CRHR2: variants seen among roughly 807,000 people sequenced by gnomAD.
The protein encoded by CRHR2 is corticotropin releasing hormone receptor 2, also known as corticotropin-releasing hormone receptor 2.
CRHR2 carries 53 observed loss-of-function variants against 57.9 expected under a neutral mutation model. The ratio of observed to expected loss-of-function variants is 0.92; its 90% confidence interval spans 0.73 to 1.15. CRHR2 has a LOEUF of 1.15. Among genes scored for constraint, CRHR2 ranks in the 50% most tolerant of loss-of-function variants. The pLI is 0.00. For synonymous variants in CRHR2, 213 were observed against 220.9 expected, an observed-to-expected ratio of 0.96 and a Z score of 0.32; for missense variants, 532 against 542.6, an observed-to-expected ratio of 0.98 and a Z score of 0.19.
In CRHR2 at chr7:30,653,220, G is replaced by A. The variant is rs1006935139; in HGVS notation, c.*240C>T. On this transcript the variant is annotated 3_prime_UTR_variant, in exon 12 of 12. Transcript: ENST00000471646. The surrounding 1 kb of genome is among the most constrained non-coding windows in gnomAD (Gnocchi z 5.0). ...GCAAATGCCTGCAGACATCTGACTG[G>A]CTCTTCTCAGGGGGTCCTGTGAATT... The A allele has an allele frequency of 7.7e-6, 4 of 520,944 alleles. No homozygotes were observed. The highest frequency in any genetic ancestry group is 5.7e-5 in the African/African-American group (3 of 52,282). The allele number at this position is 520,944 out of a possible 1,614,324, so 32.3% of individuals were successfully genotyped here. A position where few individuals can be genotyped will look rare whatever the true frequency, so the allele number is the denominator to read the frequency against.
At chr7:30,674,064 AGACCCTCAACTCCCTATTTCCACAG>A (rs1784443777) in intron 2 of CRHR2, among the ~76,000 whole-genome samples, 1 of 152,178 alleles carries the variant, frequency 6.6e-6, no homozygotes, top group Non-Finnish European at 1.5e-5. Flanking sequence ...GGACCTTCAG[AGACCCTCAACTCCCTATTTCCACAG>A]GACTTTTCAC....
chr7:30,652,685 G>T lies in CRHR2; in HGVS notation c.*775C>A, dbSNP rs1783633021. 6.6e-6 allele frequency: 1 copy of T among 152,386 alleles called. No homozygotes were observed. Among genetic ancestry groups the T allele is most frequent in the Admixed American group, 6.5e-5 (1 of 15,284 alleles). 9.4% of individuals were successfully genotyped at this position (152,386 alleles called of 1,614,324 possible). A position where few individuals can be genotyped will look rare whatever the true frequency, so the allele number is the denominator to read the frequency against. On this transcript the variant is annotated 3_prime_UTR_variant, in exon 12 of 12. Transcript: ENST00000471646. The surrounding 1 kb of genome is among the most constrained non-coding windows in gnomAD (Gnocchi z 4.4). ...ATGAGTTTCAATCACTGAAGACATG[G>T]TTGGTTTCTGCTATTCCCATCCCAC... is the stretch of plus-strand genomic sequence containing the variant.
intron 9 of CRHR2, 46 bp from the exon 10 acceptor site, chr7:30,655,761 G>A: frequency 6.2e-7 from 1 of 1,600,360 alleles, no homozygotes; most frequent in Non-Finnish European, 8.5e-7. Context: ...GCGGCAGGCA[G>A]GGCCTCACCC....
intron 2 of CRHR2, among the ~76,000 whole-genome samples, chr7:30,669,826 C>T (rs1784301231): frequency 6.6e-6 from 1 of 152,200 alleles, no homozygotes; most frequent in Non-Finnish European, 1.5e-5. Flanking sequence ...TGACCCATCT[C>T]CAGCATTCTA....
At chr7:30,686,509 G>T, upstream of CRHR2, 1 of 1,508,686 alleles carries the variant, frequency 6.6e-7, no homozygotes, top group Non-Finnish European at 8.8e-7. Flanking sequence ...AGGTATCTTT[G>T]AATCCATTCG....
chr7:30,679,665 A>G (rs1313296702), intron 2 of CRHR2, among the ~76,000 whole-genome samples: 1 of 152,162 alleles, frequency 6.6e-6, no homozygotes, highest in African/African-American at 2.4e-5. Context: ...TGGCTATAGC[A>G]TAACAAAATT....
At chr7:30,661,411 C>T (rs916509882) in intron 7 of CRHR2, among the ~76,000 whole-genome samples, 2 of 152,148 alleles carry the variant, frequency 1.3e-5, no homozygotes, top group African/African-American at 4.8e-5. Flanking sequence ...AGGAAGCTCA[C>T]CACCTACCAA....
At chr7:30,659,312 C>T (rs1188670128) in intron 8 of CRHR2, among the ~76,000 whole-genome samples, 2 of 152,304 alleles carry the variant, frequency 1.3e-5, no homozygotes, top group East Asian at 1.9e-4. Context: ...TTTCTCTTGG[C>T]ATTTCCTCAC....
chr7:30,668,108 A>G (rs778545066), intron 2 of CRHR2, among the ~76,000 whole-genome samples: 5 of 152,266 alleles, frequency 3.3e-5, no homozygotes, highest in African/African-American at 1.2e-4. Flanking sequence ...AAGTTGGAAC[A>G]TGATTTAAGT....
At chr7:30,699,864 A>T (rs954308085) in intron 1 of CRHR2, 2 of 1,167,496 alleles carry the variant, frequency 1.7e-6, no homozygotes, top group Non-Finnish European at 2.3e-6. Flanking sequence ...AGGCCCTGAG[A>T]CCCCCGCCCC....
At chr7:30,686,701 A>T, upstream of CRHR2, 2 of 462,640 alleles carry the variant, frequency 4.3e-6, no homozygotes, top group Admixed American at 6.8e-5. Context: ...GCCTCATAAT[A>T]TATGCCCTAA....
chr7:30,661,868 C>T (rs555669583), intron 7 of CRHR2, among the ~76,000 whole-genome samples: 58 of 152,344 alleles, frequency 3.8e-4, no homozygotes, highest in Middle Eastern at 3.4e-3. Context: ...GCTGCCACAT[C>T]CAAGTCTGAG....
At chr7:30,654,272 C>T (rs750530194) in intron 11 of CRHR2, among the ~76,000 whole-genome samples, 1 of 152,194 alleles carries the variant, frequency 6.6e-6, no homozygotes, top group South Asian at 2.1e-4. Context: ...CCATAAACAT[C>T]CCTTGTTTGT....
In CRHR2 at chr7:30,656,124, C is replaced by T. The variant is rs1477373481; in HGVS notation, c.832-112G>A. 8 of 916,842 alleles carry T rather than the reference C, an allele frequency of 8.7e-6. No individual in the cohort carries two copies. Among genetic ancestry groups the T allele is most frequent in the African/African-American group, 1.6e-5 (1 of 61,888 alleles). 56.8% of individuals were successfully genotyped at this position (916,842 alleles called of 1,614,324 possible). ...CCCCTGGAAACCGATGTCCCACGCACACACCTATCCTACCTGTCCCCCTAG... is the reference window on the plus strand; with the variant it reads ...CCCCTGGAAACCGATGTCCCACGCATACACCTATCCTACCTGTCCCCCTAG... On this transcript the variant is annotated intron_variant, in intron 8 of 11. Transcript: ENST00000471646. The surrounding 1 kb of genome is among the most constrained non-coding windows in gnomAD (Gnocchi z 4.4).
chr7:30,663,986 T>G (rs1562797367), intron 5 of CRHR2, among the ~76,000 whole-genome samples: 1 of 152,150 alleles, frequency 6.6e-6, no homozygotes, highest in Admixed American at 6.5e-5. Flanking sequence ...TGGCTGGCTG[T>G]CTCCTTTTTT....
chr7:30,655,430 T>C, intron 10 of CRHR2, 150 bp downstream of exon 10: 3 of 1,015,858 alleles, frequency 3.0e-6, no homozygotes, highest in South Asian at 1.6e-5. Flanking sequence ...CTGGCCAGGC[T>C]CAGGCTGAGC....
intron 2 of CRHR2, among the ~76,000 whole-genome samples, chr7:30,679,788 A>T (rs1784639376): frequency 6.6e-6 from 1 of 152,164 alleles, no homozygotes; most frequent in Admixed American, 6.5e-5. Context: ...GCAAACAGAG[A>T]AGCAGGAAGC....
exon 1 of CRHR2, chr7:30,700,010 T>G (rs1785139808): frequency 1.4e-6 from 2 of 1,440,800 alleles, no homozygotes; most frequent in African/African-American, 3.0e-5. Flanking sequence ...AGAGGAGGCC[T>G]GGGGGCCCTG....
At position 30,681,942 on chromosome 7, in the gene CRHR2, A is replaced by G; in HGVS notation, c.202T>C (p.Phe68Leu). Reference protein sequence around the residue: ...ALVERPCPEYFNGVKYNTTRN... With the variant: ...ALVERPCPEYLNGVKYNTTRN... ...GTCGTGTTGTACTTGACGCCGTTGAAGTACTCGGGGCACGGCCTCTCCACG... is the reference window on the plus strand; with the variant it reads ...GTCGTGTTGTACTTGACGCCGTTGAGGTACTCGGGGCACGGCCTCTCCACG... The change falls in exon 2 of 12, where the codon TTC (phenylalanine) becomes CTC (leucine). Residue 68 changes from phenylalanine (F) to leucine (L), a missense_variant. Physicochemically the swap from Phe to Leu is conservative, Grantham distance 22. Coordinates refer to ENST00000471646, the MANE Select transcript of CRHR2 (RefSeq NM_001883.5). 1.2e-6 allele frequency: 2 copies of G among 1,612,328 alleles called. No homozygotes were observed. The highest frequency in any genetic ancestry group is 1.7e-6 in the Non-Finnish European group (2 of 1,179,528).
Sources: allele counts gnomAD v4.1 joint callset (sites outside exome capture counted in the v4.1 genomes callset), GRCh38; gene constraint gnomAD v4.1.1; non-coding constraint Gnocchi (gnomAD v3.1); transcripts MANE v1.5; gene names NCBI Gene and HGNC (gene_info 2026-07-23, HGNC 2026-07-21).